The following ADAMTS9 variants were observed in gnomAD, a reference collection of about 807,000 sequenced individuals.
ADAMTS9 encodes A disintegrin and metalloproteinase with thrombospondin motifs 9.
ADAMTS9 carries 107 observed loss-of-function variants against 257.1 expected under a neutral mutation model. That is an observed-to-expected ratio of 0.42 (90% CI 0.36 to 0.49). ADAMTS9 has a LOEUF of 0.49. Ranked by LOEUF, ADAMTS9 falls within the 20% of genes least tolerant of loss-of-function variation. The pLI is 0.03. For missense variants in ADAMTS9, 2,353 were observed against 2,469.1 expected (o/e 0.95, Z 1.00); for synonymous variants, 982 against 880.9 (o/e 1.11, Z -2.03).
At chr3:64,594,693 A>G (rs1378747247) in intron 27 of ADAMTS9, among the ~76,000 whole-genome samples, 3 of 152,176 alleles carry the variant, frequency 2.0e-5, no homozygotes, top group African/African-American at 7.2e-5. Flanking sequence ...AATCAAGAGG[A>G]GTGTAATTAT....
intron 3 of ADAMTS9, among the ~76,000 whole-genome samples, chr3:64,672,373 T>A (rs978009358): frequency 7.2e-5 from 11 of 152,290 alleles, no homozygotes; most frequent in African/African-American, 2.4e-4. Flanking sequence ...TGTCTTTGGA[T>A]CCAGAAGCTT....
intron 12 of ADAMTS9, among the ~76,000 whole-genome samples, chr3:64,640,559 G>A (rs925788295): frequency 2.0e-5 from 3 of 152,086 alleles, no homozygotes; most frequent in African/African-American, 7.2e-5. Context: ...AGACTGCTAG[G>A]GGAAATCATT....
At chr3:64,603,438 T>C (rs1426479126) in intron 25 of ADAMTS9, among the ~76,000 whole-genome samples, 1 of 152,118 alleles carries the variant, frequency 6.6e-6, no homozygotes, top group South Asian at 2.1e-4. Context: ...CCATAGATAG[T>C]GCTTGGTGTA....
At chr3:64,658,442 C>A (rs1701138589) in intron 4 of ADAMTS9, 60 bp downstream of exon 4, 1 of 1,528,746 alleles carries the variant, frequency 6.5e-7, no homozygotes, top group Admixed American at 1.9e-5. Context: ...TGAGTGGAAA[C>A]CCATTCCCCA....
chr3:64,552,178 C>T (rs531762727), intron 30 of ADAMTS9, among the ~76,000 whole-genome samples: 3 of 152,364 alleles, frequency 2.0e-5, no homozygotes, highest in Admixed American at 2.0e-4. Context: ...TGCCCCAGGT[C>T]ACACATCTCT....
chr3:64,567,542 G>A (rs777663186), intron 29 of ADAMTS9, among the ~76,000 whole-genome samples: 4 of 152,112 alleles, frequency 2.6e-5, no homozygotes, highest in Admixed American at 6.6e-5. Flanking sequence ...TGATATGAAC[G>A]GCTTTAGTTC....
intron 12 of ADAMTS9, among the ~76,000 whole-genome samples, chr3:64,640,793 T>C (rs1423754774): frequency 6.6e-6 from 1 of 152,218 alleles, no homozygotes; most frequent in East Asian, 1.9e-4. Context: ...TTTTTTATAA[T>C]GAAGATAGCA....
intron 22 of ADAMTS9, among the ~76,000 whole-genome samples, chr3:64,613,120 G>T (rs910227708): frequency 6.6e-6 from 1 of 152,152 alleles, no homozygotes; most frequent in Admixed American, 6.5e-5. Context: ...AGATAGGCAC[G>T]TGGGTCTGTA....
chr3:64,615,487 T>G lies in ADAMTS9; in HGVS notation c.3025-2A>C. 6.2e-7 allele frequency: 1 copy of G among 1,602,962 alleles called. No individual in the cohort carries two copies. Among genetic ancestry groups the G allele is most frequent in the Non-Finnish European group, 8.5e-7 (1 of 1,176,636 alleles). On this transcript the variant is annotated splice_acceptor_variant, in intron 20 of 39. Coordinates refer to ENST00000498707, the MANE Select transcript of ADAMTS9 (RefSeq NM_182920.2). LOFTEE classifies it high-confidence loss of function. ...CCCACCGTCACAGCTTTTTGAACAC[T>G]GTAGGGACAAAATAAATAAATAAAA...
At chr3:64,566,973 A>C (rs1239437417) in intron 29 of ADAMTS9, among the ~76,000 whole-genome samples, 1 of 152,172 alleles carries the variant, frequency 6.6e-6, no homozygotes, top group Non-Finnish European at 1.5e-5. Flanking sequence ...AGGAAGGCAA[A>C]GGAGGAACCA....
rs555972640 is a variant in ADAMTS9 at position 64,533,916 on chromosome 3, C to G, written c.5614-646G>C. Among the ~76,000 whole-genome samples the G allele has an allele frequency of 2.6e-3, 393 of 152,312 alleles. 4 individuals carry two copies. The highest frequency in any genetic ancestry group is 0.01 in the Middle Eastern group (3 of 294). ...CCGAGGGTGCCTTTCAGAACATGGC[C>G]TCTGGTGCCTCAATATTGATTTCTA... On this transcript the variant is annotated intron_variant, in intron 37 of 39. Transcript: ENST00000498707.
At chr3:64,529,025 G>A (rs570292930) in intron 38 of ADAMTS9, among the ~76,000 whole-genome samples, 7 of 152,244 alleles carry the variant, frequency 4.6e-5, no homozygotes, top group Non-Finnish European at 7.4e-5. Context: ...GCTGAGTTGC[G>A]GCAGGTTGGA....
intron 11 of ADAMTS9, among the ~76,000 whole-genome samples, chr3:64,647,178 T>C (rs570017471): frequency 5.3e-5 from 8 of 152,126 alleles, no homozygotes; most frequent in Non-Finnish European, 8.8e-5. Flanking sequence ...AAGTTACAGA[T>C]AGAATGCCAA....
At position 64,642,447 on chromosome 3, in the gene ADAMTS9, GA is replaced by G. The variant is rs869302424; in HGVS notation, c.1711-455del. ...AATTTTAATTATATTGGAGAGGGGG[GA>G]AAAAAAAAGCGAGTTACATGATTCT... On this transcript the variant is annotated intron_variant, in intron 11 of 39. Coordinates refer to ENST00000498707, the MANE Select transcript of ADAMTS9 (RefSeq NM_182920.2). Among the ~76,000 whole-genome samples the G allele has an allele frequency of 7.4e-4, 87 of 118,014 alleles. No homozygotes were observed. The Middle Eastern group carries it at 0.017, about 24-fold the overall frequency. The allele number at this position is 118,014 out of a possible 152,430, so 77.4% of individuals were successfully genotyped here.
chr3:64,665,129 G>T (rs367830844), intron 3 of ADAMTS9, among the ~76,000 whole-genome samples: 2 of 152,138 alleles, frequency 1.3e-5, no homozygotes, highest in African/African-American at 4.8e-5. Context: ...AAATTTAGAC[G>T]TGTTTAAAAA....
intron 28 of ADAMTS9, chr3:64,587,079 A>G (rs1304416716): frequency 2.0e-5 from 3 of 152,208 alleles, no homozygotes; most frequent in Non-Finnish European, 2.9e-5. Context: ...TGAGATTCAC[A>G]GAGGAGAGTT....
At chr3:64,572,421 C>A (rs2083712818) in intron 28 of ADAMTS9, among the ~76,000 whole-genome samples, 1 of 152,198 alleles carries the variant, frequency 6.6e-6, no homozygotes, top group Admixed American at 6.5e-5. Context: ...CAAGAAGTAG[C>A]ACTGGATATG....
chr3:64,651,050 T>G lies in ADAMTS9; in HGVS notation c.1430A>C (p.Lys477Thr). The G allele has an allele frequency of 6.2e-7, 1 of 1,606,902 alleles. No homozygotes were observed. Among genetic ancestry groups the G allele is most frequent in the Admixed American group, 1.7e-5 (1 of 58,484 alleles). Residue 477 changes from lysine (K) to threonine (T), a missense_variant, in exon 9 of 40, where the codon AAG becomes ACG. Coordinates refer to ENST00000498707, the MANE Select transcript of ADAMTS9 (RefSeq NM_182920.2). ...NFYTNPWMWS[K>T]CSRKYITEFL... ...CTCAGTGATATATTTTCGACTACAC[T>G]TTGACCACATCCAGGGGTTGGTGTA...
chr3:64,535,570 T>C (rs2083039469), intron 37 of ADAMTS9, among the ~76,000 whole-genome samples: 1 of 142,056 alleles, frequency 7.0e-6, no homozygotes, highest in South Asian at 2.2e-4. Flanking sequence ...TTTTTTTTTT[T>C]TGAGACAAGG....
Sources: gnomAD v4.1 joint callset for allele counts (sites outside exome capture counted in the v4.1 genomes callset) on GRCh38, gnomAD v4.1.1 for gene constraint, MANE v1.5 for transcripts, NCBI Gene and HGNC (gene_info 2026-07-23, HGNC 2026-07-21) for gene names.